The following PPP3CA variants were observed in gnomAD, a reference collection of about 807,000 sequenced individuals.
PPP3CA encodes CAM-PRP catalytic subunit.
Under a neutral mutation model 66.5 loss-of-function variants are expected in PPP3CA, and 14 were observed. That is an observed-to-expected ratio of 0.21 (90% CI 0.14 to 0.33). PPP3CA has a LOEUF of 0.33. Ranked by LOEUF, PPP3CA falls within the 10% of genes least tolerant of loss-of-function variation. PPP3CA has a pLI of 1.00. For missense variants in PPP3CA, 317 were observed against 639.5 expected (o/e 0.50, Z 5.44); for synonymous variants, 232 against 226.2 (o/e 1.03, Z -0.23).
At chr4:101,288,378 C>G (rs765745981) in intron 1 of PPP3CA, among the ~76,000 whole-genome samples, 5 of 152,088 alleles carry the variant, frequency 3.3e-5, no homozygotes, top group African/African-American at 1.2e-4. Flanking sequence ...GTTACCTACC[C>G]CCCAAAAATT....
At chr4:101,086,164 T>G (rs1729665550) in intron 6 of PPP3CA, among the ~76,000 whole-genome samples, 1 of 152,128 alleles carries the variant, frequency 6.6e-6, no homozygotes. Flanking sequence ...ATAAAGATAT[T>G]ATAAAGCAAG....
At chr4:101,072,849 T>C (rs1295496157) in intron 8 of PPP3CA, among the ~76,000 whole-genome samples, 1 of 149,054 alleles carries the variant, frequency 6.7e-6, no homozygotes, top group Non-Finnish European at 1.5e-5. Context: ...GGCAGGAGAA[T>C]GGTGTGAACC....
intron 1 of PPP3CA, among the ~76,000 whole-genome samples, chr4:101,299,552 G>A (rs751241361): frequency 1.3e-5 from 2 of 151,722 alleles, no homozygotes; most frequent in Non-Finnish European, 2.9e-5. Flanking sequence ...TCCTATATGG[G>A]GTCTGTCACT....
intron 2 of PPP3CA, among the ~76,000 whole-genome samples, chr4:101,187,359 G>C (rs1184007956): frequency 6.6e-6 from 1 of 152,018 alleles, no homozygotes; most frequent in Non-Finnish European, 1.5e-5. Flanking sequence ...TTGCCACCAC[G>C]TCCTTAATAA....
chr4:101,315,647 C>T (rs1161820193), intron 1 of PPP3CA, among the ~76,000 whole-genome samples: 2 of 152,150 alleles, frequency 1.3e-5, no homozygotes, highest in Non-Finnish European at 2.9e-5. Context: ...ATGACAAACC[C>T]AAAATAACAA....
At chr4:101,155,917 T>C (rs1240420566) in intron 2 of PPP3CA, among the ~76,000 whole-genome samples, 1 of 152,218 alleles carries the variant, frequency 6.6e-6, no homozygotes, top group Non-Finnish European at 1.5e-5. Context: ...CAGCAGCTAA[T>C]ATTCATTGAG....
At chr4:101,330,670 G>A (rs113331174) in intron 1 of PPP3CA, among the ~76,000 whole-genome samples, 1 of 151,916 alleles carries the variant, frequency 6.6e-6, no homozygotes, top group Non-Finnish European at 1.5e-5. Flanking sequence ...TCTCCAAACC[G>A]ACAATATCTC....
At chr4:101,234,075 C>G (rs1212626508) in intron 1 of PPP3CA, among the ~76,000 whole-genome samples, 1 of 151,784 alleles carries the variant, frequency 6.6e-6, no homozygotes, top group African/African-American at 2.4e-5. Context: ...AGGTCATGAT[C>G]TCATTCCTTT....
intron 1 of PPP3CA, among the ~76,000 whole-genome samples, chr4:101,208,560 G>C (rs921982091): frequency 6.6e-6 from 1 of 152,152 alleles, no homozygotes; most frequent in Admixed American, 6.5e-5. Flanking sequence ...GGGGATATCC[G>C]TGATGGTATA....
rs887991069 is a variant in PPP3CA at position 101,347,209 on chromosome 4, G to A, written c.-413C>T. On this transcript the variant is annotated 5_prime_UTR_variant, in exon 1 of 14. Transcript: ENST00000394854. The stretch of plus-strand genomic sequence containing the variant: ...GCCCCACGCGCGCACACACGGCCAG[G>A]ATTAAGACCGATCACATGGGGAAGG... 1 of 253,950 alleles carries A rather than the reference G, an allele frequency of 3.9e-6. No individual in the cohort carries two copies. The highest frequency in any genetic ancestry group is 4.4e-5 in the South Asian group (1 of 22,724). The allele number at this position is 253,950 out of a possible 1,614,324, so 15.7% of individuals were successfully genotyped here.
intron 2 of PPP3CA, among the ~76,000 whole-genome samples, chr4:101,184,010 T>C (rs536571754): frequency 2.4e-4 from 37 of 152,264 alleles, no homozygotes; most frequent in Admixed American, 9.8e-4. Flanking sequence ...CTCACAATTA[T>C]GGGAAGACAA....
At chr4:101,260,020 T>C (rs1726963065) in intron 1 of PPP3CA, among the ~76,000 whole-genome samples, 1 of 152,142 alleles carries the variant, frequency 6.6e-6, no homozygotes, top group Non-Finnish European at 1.5e-5. Context: ...ACTGCTGTCT[T>C]CAGCCTCATC....
intron 1 of PPP3CA, among the ~76,000 whole-genome samples, chr4:101,261,032 T>C (rs899698760): frequency 1.3e-5 from 2 of 152,142 alleles, no homozygotes; most frequent in Non-Finnish European, 2.9e-5. Context: ...TGACAAGATC[T>C]TCCACAAGCA....
intron 6 of PPP3CA, among the ~76,000 whole-genome samples, chr4:101,093,487 G>A (rs553493287): frequency 7.3e-5 from 11 of 151,616 alleles, no homozygotes; most frequent in Non-Finnish European, 7.4e-5. Flanking sequence ...TATGCACTGG[G>A]AAACCAAAAA....
intron 2 of PPP3CA, among the ~76,000 whole-genome samples, chr4:101,127,929 A>G (rs1313623058): frequency 6.6e-6 from 1 of 152,220 alleles, no homozygotes; most frequent in Admixed American, 6.5e-5. Flanking sequence ...GCTGATAAGT[A>G]GCAGAGCTGG....
chr4:101,305,049 T>C (rs916357675), intron 1 of PPP3CA, among the ~76,000 whole-genome samples: 1 of 152,176 alleles, frequency 6.6e-6, no homozygotes, highest in Admixed American at 6.5e-5. Context: ...ATGAGACCCA[T>C]TCAAAGATGC....
chr4:101,277,448 A>G (rs1480415309), intron 1 of PPP3CA, among the ~76,000 whole-genome samples: 2 of 152,186 alleles, frequency 1.3e-5, no homozygotes, highest in Non-Finnish European at 2.9e-5. Context: ...CAAAGTTAAC[A>G]CTTGATTTGT....
chr4:101,193,838 A>C (rs1268131320), intron 2 of PPP3CA, among the ~76,000 whole-genome samples: 1 of 152,230 alleles, frequency 6.6e-6, no homozygotes, highest in African/African-American at 2.4e-5. Context: ...AATAACTAGG[A>C]CATTAATTCC....
At chr4:101,166,908 T>C (rs569531091) in intron 2 of PPP3CA, among the ~76,000 whole-genome samples, 1 of 152,306 alleles carries the variant, frequency 6.6e-6, no homozygotes, top group Admixed American at 6.5e-5. Flanking sequence ...GCTAAATTAT[T>C]AGAAAGCAAT....
Sources: gnomAD v4.1 joint callset for allele counts (sites outside exome capture counted in the v4.1 genomes callset) on GRCh38, gnomAD v4.1.1 for gene constraint, MANE v1.5 for transcripts, NCBI Gene and HGNC (gene_info 2026-07-23, HGNC 2026-07-21) for gene names.